PDCD10: variants seen among roughly 807,000 people sequenced by gnomAD.
PDCD10 encodes the protein programmed cell death 10.
A neutral mutation model predicts 29.2 loss-of-function variants in PDCD10; 4 were observed. That is an observed-to-expected ratio of 0.14 (90% confidence interval 0.07 to 0.31). The LOEUF (loss-of-function observed/expected upper bound fraction) is 0.31, where lower values mean the gene tolerates loss of function less well. Among genes scored for constraint, PDCD10 ranks in the 10% least tolerant of loss-of-function variants. PDCD10 has a pLI of 1.00. For synonymous variants in PDCD10, 70 were observed against 82.2 expected, an observed-to-expected ratio of 0.85 and a Z score of 0.80; for missense variants, 183 against 257.9, an observed-to-expected ratio of 0.71 and a Z score of 1.99.
intron 4 of PDCD10, among the ~76,000 whole-genome samples, chr3:167,697,348 G>C (rs1720917614): frequency 6.6e-6 from 1 of 152,142 alleles, no homozygotes; most frequent in Admixed American, 6.5e-5. Flanking sequence ...CATTTGAACA[G>C]AAAGAACTTA....
chr3:167,690,696 GA>G (rs1195919238), intron 6 of PDCD10, among the ~76,000 whole-genome samples: 4 of 152,098 alleles, frequency 2.6e-5, no homozygotes. Context: ...ACTCCATTGA[GA>G]AAAGGGAGGA....
chr3:167,710,149 A>C (rs1722388210), intron 3 of PDCD10, among the ~76,000 whole-genome samples: 1 of 152,194 alleles, frequency 6.6e-6, no homozygotes, highest in Non-Finnish European at 1.5e-5. Flanking sequence ...GAAACCCAGC[A>C]AATTCCCAGC....
intron 3 of PDCD10, among the ~76,000 whole-genome samples, chr3:167,719,349 T>C (rs1395993188): frequency 6.6e-6 from 1 of 152,074 alleles, no homozygotes; most frequent in East Asian, 1.9e-4. Flanking sequence ...TTTAGGAAAA[T>C]AATTTCACAT....
At chr3:167,733,785 T>C (rs1213691328) in intron 2 of PDCD10, among the ~76,000 whole-genome samples, 4 of 152,190 alleles carry the variant, frequency 2.6e-5, no homozygotes, top group Admixed American at 6.5e-5. Context: ...GGATGGGATA[T>C]ATTGTTTAAC....
intron 2 of PDCD10, among the ~76,000 whole-genome samples, chr3:167,731,581 C>T (rs7649555): frequency 0.34 from 52,426 of 152,008 alleles, 10,973 homozygotes; most frequent in African/African-American, 0.6. Context: ...GCTGGAAGCA[C>T]TGTGCATGAA....
chr3:167,726,610 C>T (rs550510367), intron 2 of PDCD10, among the ~76,000 whole-genome samples: 3 of 152,104 alleles, frequency 2.0e-5, no homozygotes, highest in Non-Finnish European at 4.4e-5. Flanking sequence ...GTACTCACTT[C>T]CCCAGATTAA....
rs2108484397 is a variant in PDCD10, at chr3:167,720,189, C to G, written c.-32G>C. On this transcript the variant is annotated 5_prime_UTR_variant, in exon 3 of 9. Coordinates refer to ENST00000392750, the MANE Select transcript of PDCD10 (RefSeq NM_007217.4). ...GCCAACTACAGTTGAAAAAGCAGTGCTAAAATGCAGAGGAATCTTCATTCA... is the reference window on the plus strand; with the variant it reads ...GCCAACTACAGTTGAAAAAGCAGTGGTAAAATGCAGAGGAATCTTCATTCA... 7.1e-7 allele frequency: 1 copy of G among 1,403,954 alleles called. No homozygotes were observed. The allele number at this position is 1,403,954 out of a possible 1,614,324, so 87.0% of individuals were successfully genotyped here. A position where few individuals can be genotyped will look rare whatever the true frequency, so the allele number is the denominator to read the frequency against.
At position 167,684,049 on chromosome 3, in the gene PDCD10, C is replaced by T; in HGVS notation, c.*259G>A. 2.7e-6 allele frequency: 1 copy of T among 369,574 alleles called. No individual in the cohort carries two copies. Among genetic ancestry groups the T allele is most frequent in the South Asian group, 3.0e-5 (1 of 33,070 alleles). The allele number at this position is 369,574 out of a possible 1,614,324, so 22.9% of individuals were successfully genotyped here. On this transcript the variant is annotated 3_prime_UTR_variant, in exon 9 of 9. Transcript: ENST00000392750. Reference sequence around the variant, plus strand: ...TTTTAAGGAATGTTATATAATGACACATTAAGGCGTAAATTCTTTTGGCTT... The same window carrying T: ...TTTTAAGGAATGTTATATAATGACATATTAAGGCGTAAATTCTTTTGGCTT...
intron 6 of PDCD10, among the ~76,000 whole-genome samples, chr3:167,694,107 T>C (rs192428272): frequency 3.3e-5 from 5 of 152,214 alleles, no homozygotes; most frequent in African/African-American, 1.2e-4. Flanking sequence ...TCCAACATTA[T>C]TTTCCCATTG....
At chr3:167,721,181 A>G (rs1348590294) in intron 2 of PDCD10, among the ~76,000 whole-genome samples, 1 of 152,200 alleles carries the variant, frequency 6.6e-6, no homozygotes, top group Non-Finnish European at 1.5e-5. Flanking sequence ...TACTACTTGT[A>G]AAGCATTTTC....
intron 3 of PDCD10, among the ~76,000 whole-genome samples, chr3:167,715,030 A>G (rs184420458): frequency 3.3e-5 from 5 of 151,920 alleles, no homozygotes; most frequent in Admixed American, 2.0e-4. Flanking sequence ...TATTCTATAG[A>G]GCTATAGTAG....
intron 4 of PDCD10, among the ~76,000 whole-genome samples, chr3:167,697,620 C>T (rs1255157414): frequency 1.3e-5 from 2 of 152,140 alleles, no homozygotes; most frequent in Non-Finnish European, 2.9e-5. Context: ...GAAGGTTTTA[C>T]TGAACCTATA....
intron 2 of PDCD10, among the ~76,000 whole-genome samples, chr3:167,726,454 T>G (rs1490959073): frequency 7.2e-5 from 11 of 152,122 alleles, no homozygotes; most frequent in African/African-American, 2.2e-4. Flanking sequence ...TAACTTTTTC[T>G]ACACATAGAT....
intron 2 of PDCD10, among the ~76,000 whole-genome samples, chr3:167,721,376 A>G (rs1723544252): frequency 6.6e-6 from 1 of 152,172 alleles, no homozygotes; most frequent in Non-Finnish European, 1.5e-5. Context: ...CTCACATAAC[A>G]AAACCAAATT....
chr3:167,701,063 C>G (rs554348720), intron 4 of PDCD10, among the ~76,000 whole-genome samples: 1 of 152,040 alleles, frequency 6.6e-6, no homozygotes, highest in Non-Finnish European at 1.5e-5. Context: ...GCTGCTAAAC[C>G]CTCAAGCCTT....
At chr3:167,714,658 G>GA (rs1347774291) in intron 3 of PDCD10, among the ~76,000 whole-genome samples, 1 of 151,672 alleles carries the variant, frequency 6.6e-6, no homozygotes, top group Admixed American at 6.6e-5. Context: ...TGAAAAATCT[G>GA]AAAAAAACAT....
At chr3:167,687,399 C>T in intron 7 of PDCD10, 83 bp from the exon 8 acceptor site, 2 of 856,618 alleles carry the variant, frequency 2.3e-6, no homozygotes, top group Admixed American at 3.6e-5. Flanking sequence ...CAAGAGATTA[C>T]ACAGGATATG....
In PDCD10 at chr3:167,697,062, A is replaced by G; in HGVS notation, c.215T>C (p.Val72Ala). 6.2e-7 allele frequency: 1 copy of G among 1,612,160 alleles called. No individual in the cohort carries two copies. Among genetic ancestry groups the G allele is most frequent in the Non-Finnish European group, 8.5e-7 (1 of 1,178,276 alleles). The change falls in exon 5 of 9, where the codon GTG (valine) becomes GCG (alanine). Residue 72 changes from valine (V) to alanine (A), a missense_variant. Transcript: ENST00000392750. ...IIMKILEKKSVEVNFTESLLR... is the reference protein window; with the variant it reads ...IIMKILEKKSAEVNFTESLLR... ...AAGGGACTCCGTGAAGTTAACTTCC[A>G]CGCTTTTTTTCTCTAAAATTTTCAT...
intron 2 of PDCD10, among the ~76,000 whole-genome samples, chr3:167,731,939 G>A (rs1311827105): frequency 3.3e-5 from 5 of 152,086 alleles, no homozygotes; most frequent in African/African-American, 7.2e-5. Context: ...GGAGTGAGAC[G>A]GAATATGTAA....
Sources: gnomAD v4.1 joint callset for allele counts (sites outside exome capture counted in the v4.1 genomes callset) on GRCh38, gnomAD v4.1.1 for gene constraint, MANE v1.5 for transcripts, NCBI Gene and HGNC (gene_info 2026-07-23, HGNC 2026-07-21) for gene names.